The following NEGR1 variants were observed in gnomAD, a reference collection of about 807,000 sequenced individuals.
NEGR1 encodes the protein IgLON family member 4.
A neutral mutation model predicts 40.9 loss-of-function variants in NEGR1; 10 were observed. That is an observed-to-expected ratio of 0.24 (90% CI 0.15 to 0.42). The LOEUF is 0.42. NEGR1 is among the 10% of genes least tolerant of loss of function. The probability of loss-of-function intolerance (pLI) is 1.00; values close to 1 mark genes in which losing one functional copy is unlikely to be tolerated. For missense variants in NEGR1, 352 were observed against 438.9 expected (o/e 0.80, Z 1.77); for synonymous variants, 185 against 166.8 (o/e 1.11, Z -0.84).
intron 1 of NEGR1, among the ~76,000 whole-genome samples, chr1:72,058,086 C>G (rs1419795612): frequency 6.6e-6 from 1 of 151,426 alleles, no homozygotes; most frequent in African/African-American, 2.4e-5. Context: ...ACTGACCTAA[C>G]AGGACCCATA....
intron 1 of NEGR1, among the ~76,000 whole-genome samples, chr1:72,114,606 G>A (rs537658948): frequency 1.3e-5 from 2 of 151,890 alleles, no homozygotes; most frequent in South Asian, 4.1e-4. Flanking sequence ...CATACACTGA[G>A]AATTAAAATT....
chr1:72,037,790 G>T (rs1333054647), intron 1 of NEGR1, among the ~76,000 whole-genome samples: 1 of 152,044 alleles, frequency 6.6e-6, no homozygotes, highest in Non-Finnish European at 1.5e-5. Context: ...TATGCAACAT[G>T]TAAAAATGTA....
chr1:71,696,136 C>A (rs1270673555), intron 4 of NEGR1, among the ~76,000 whole-genome samples: 1 of 151,678 alleles, frequency 6.6e-6, no homozygotes, highest in Non-Finnish European at 1.5e-5. Flanking sequence ...CTTTTTTACC[C>A]AGTTTCTGTT....
At chr1:71,801,410 T>A (rs1657553742) in intron 2 of NEGR1, among the ~76,000 whole-genome samples, 2 of 152,216 alleles carry the variant, frequency 1.3e-5, no homozygotes, top group Non-Finnish European at 2.9e-5. Flanking sequence ...TTCTTTCCCT[T>A]GGGTTCAAGA....
chr1:71,867,408 T>C (rs560185687), intron 2 of NEGR1, among the ~76,000 whole-genome samples: 1 of 152,284 alleles, frequency 6.6e-6, no homozygotes, highest in African/African-American at 2.4e-5. Flanking sequence ...TCTACTGGAA[T>C]GGATAGCATT....
intron 1 of NEGR1, among the ~76,000 whole-genome samples, chr1:71,979,487 A>G (rs1443603792): frequency 1.3e-5 from 2 of 152,188 alleles, no homozygotes; most frequent in Non-Finnish European, 2.9e-5. Context: ...TCAGATGGTC[A>G]ATATAAAAGC....
chr1:71,766,128 G>A (rs959450771), intron 3 of NEGR1, among the ~76,000 whole-genome samples: 10 of 148,986 alleles, frequency 6.7e-5, no homozygotes, highest in Non-Finnish European at 1.0e-4. Context: ...AGCCAAGATC[G>A]TGCCACTGCA....
At chr1:72,123,781 CTTCT>C (rs1649898767) in intron 1 of NEGR1, among the ~76,000 whole-genome samples, 1 of 151,864 alleles carries the variant, frequency 6.6e-6, no homozygotes, top group African/African-American at 2.4e-5. Context: ...AATTCAATAG[CTTCT>C]TTATTACAAT....
At chr1:72,192,358 G>A (rs1360524083) in intron 1 of NEGR1, among the ~76,000 whole-genome samples, 1 of 151,794 alleles carries the variant, frequency 6.6e-6, no homozygotes, top group Non-Finnish European at 1.5e-5. Flanking sequence ...ACTGCTCAGA[G>A]ATAAAGAACA....
At chr1:71,681,411 A>G (rs974374426) in intron 4 of NEGR1, among the ~76,000 whole-genome samples, 1 of 152,210 alleles carries the variant, frequency 6.6e-6, no homozygotes, top group Non-Finnish European at 1.5e-5. Flanking sequence ...AGACACTAAG[A>G]GTATTACTAT....
chr1:72,233,696 G>C (rs1368579203), intron 1 of NEGR1, among the ~76,000 whole-genome samples: 2 of 152,020 alleles, frequency 1.3e-5, no homozygotes, highest in Non-Finnish European at 2.9e-5. Flanking sequence ...ATCCATTATT[G>C]ATGAGCACCT....
At chr1:71,772,955 A>G (rs945957248) in intron 3 of NEGR1, among the ~76,000 whole-genome samples, 1 of 152,244 alleles carries the variant, frequency 6.6e-6, no homozygotes, top group South Asian at 2.1e-4. Context: ...AATGGAAAAA[A>G]CAGAAAAAAG....
intron 5 of NEGR1, among the ~76,000 whole-genome samples, chr1:71,610,065 T>C (rs1360637918): frequency 1.3e-5 from 2 of 152,222 alleles, no homozygotes; most frequent in South Asian, 4.1e-4. Context: ...TCCCCAGCCA[T>C]GTGGAACTGT....
chr1:71,978,962 C>T (rs1646331073), intron 1 of NEGR1, among the ~76,000 whole-genome samples: 2 of 152,048 alleles, frequency 1.3e-5, no homozygotes, highest in African/African-American at 4.8e-5. Context: ...CCTAAATGTC[C>T]ATCAATGCTA....
chr1:72,251,731 T>C (rs1234210320), intron 1 of NEGR1, among the ~76,000 whole-genome samples: 34 of 152,164 alleles, frequency 2.2e-4, no homozygotes, highest in Admixed American at 2.2e-3. Flanking sequence ...TTTGGATCCA[T>C]GGTTGAATTT....
At chr1:71,945,895 A>G (rs1646013747) in intron 1 of NEGR1, among the ~76,000 whole-genome samples, 1 of 152,224 alleles carries the variant, frequency 6.6e-6, no homozygotes, top group African/African-American at 2.4e-5. Flanking sequence ...TGAATTATAA[A>G]TGTAAACATT....
At chr1:72,071,584 A>G (rs1368650854) in intron 1 of NEGR1, among the ~76,000 whole-genome samples, 1 of 152,092 alleles carries the variant, frequency 6.6e-6, no homozygotes, top group African/African-American at 2.4e-5. Flanking sequence ...GCCTGCTACC[A>G]GTGATGAACC....
At chr1:72,131,796 G>T (rs771804024) in intron 1 of NEGR1, among the ~76,000 whole-genome samples, 1 of 152,080 alleles carries the variant, frequency 6.6e-6, no homozygotes, top group Non-Finnish European at 1.5e-5. Flanking sequence ...ATCCTTAAGG[G>T]TATTTTACTC....
At chr1:71,670,774 G>T (rs920735283) in intron 4 of NEGR1, among the ~76,000 whole-genome samples, 2 of 151,784 alleles carry the variant, frequency 1.3e-5, no homozygotes, top group African/African-American at 2.4e-5. Flanking sequence ...CAACAATTCT[G>T]TTTTTTTCTG....
Sources: gnomAD v4.1 joint callset for allele counts (sites outside exome capture counted in the v4.1 genomes callset) on GRCh38, gnomAD v4.1.1 for gene constraint, MANE v1.5 for transcripts, NCBI Gene and HGNC (gene_info 2026-07-23, HGNC 2026-07-21) for gene names.